Variants in PPHLN1 observed in about 807,000 individuals in gnomAD.
The protein encoded by PPHLN1 is periphilin-1.
PPHLN1 carries 29 observed loss-of-function variants against 51.3 expected under a neutral mutation model. The ratio of observed to expected loss-of-function variants is 0.57; its 90% CI spans 0.42 to 0.77. The LOEUF is 0.77. Among genes scored for constraint, PPHLN1 ranks in the 30% least tolerant of loss-of-function variants. PPHLN1 has a pLI of 0.00. For synonymous variants in PPHLN1, 147 were observed against 147.8 expected (o/e 0.99, Z 0.04); for missense variants, 436 against 438.4 (o/e 0.99, Z 0.05).
chr12:42,335,706 T>TTTA (rs1455993587), intron 1 of PPHLN1, among the ~76,000 whole-genome samples, 177 bp from the exon 2 acceptor site: 6 of 150,036 alleles, frequency 4.0e-5, no homozygotes, highest in Non-Finnish European at 5.9e-5. Context: ...TTTTTTTTTT[T>TTTA]AAAGAAAATC....
chr12:42,400,759 CTCTCTCTCTCTCTCTT>C (rs2078749169), intron 9 of PPHLN1, among the ~76,000 whole-genome samples: 1 of 147,544 alleles, frequency 6.8e-6, no homozygotes, highest in South Asian at 2.1e-4. Flanking sequence ...GAGACCCTGT[CTCTCTCTCTCTCTCTT>C]TCTCTCTCTC....
At chr12:42,417,520 A>G (rs2080501929) in intron 9 of PPHLN1, among the ~76,000 whole-genome samples, 1 of 152,144 alleles carries the variant, frequency 6.6e-6, no homozygotes, top group Non-Finnish European at 1.5e-5. Context: ...AGTCAACAAG[A>G]GAGACTAAGG....
chr12:42,404,619 G>A (rs2079130178), intron 9 of PPHLN1, among the ~76,000 whole-genome samples: 1 of 152,078 alleles, frequency 6.6e-6, no homozygotes, highest in Non-Finnish European at 1.5e-5. Context: ...TCAGTGTCAA[G>A]GTTTCGACTA....
At chr12:42,378,181 T>G (rs908932517) in intron 5 of PPHLN1, among the ~76,000 whole-genome samples, 1 of 151,810 alleles carries the variant, frequency 6.6e-6, no homozygotes, top group Non-Finnish European at 1.5e-5. Context: ...AGTAAAGTTC[T>G]TTGATCAAGA....
At chr12:42,387,356 A>G in intron 6 of PPHLN1, 100 bp from the exon 7 acceptor site, 3 of 1,292,218 alleles carry the variant, frequency 2.3e-6, no homozygotes, top group Non-Finnish European at 3.2e-6. Context: ...TTTTAGTACT[A>G]AAATAAGTGT....
At chr12:42,327,522 T>A (rs2068988545) in intron 1 of PPHLN1, among the ~76,000 whole-genome samples, 1 of 152,234 alleles carries the variant, frequency 6.6e-6, no homozygotes, top group South Asian at 2.1e-4. Flanking sequence ...TTTCCTCCTA[T>A]CTTTTTCTGG....
chr12:42,401,483 C>T lies in PPHLN1; in HGVS notation c.909+2489C>T, dbSNP rs947680996. On this transcript the variant is annotated intron_variant, in intron 9 of 9. Coordinates refer to ENST00000358314, the MANE Select transcript of PPHLN1 (RefSeq NM_201439.2). ...GGTCTGTGGCCTGTTAGGAACTGGG[C>T]GTCACAGCAGGAGGTGAGTGGCCAT... 6.6e-5 allele frequency among the ~76,000 whole-genome samples: 9 copies of T among 137,224 alleles called. No individual in the cohort carries two copies. The South Asian group carries it at 9.7e-4, about 15-fold the overall frequency. 90.0% of individuals were successfully genotyped at this position (137,224 alleles called of 152,430 possible). A position where few individuals can be genotyped will look rare whatever the true frequency, so the allele number is the denominator to read the frequency against.
chr12:42,430,055 A>G (rs1417411939), intron 9 of PPHLN1, among the ~76,000 whole-genome samples: 1 of 152,122 alleles, frequency 6.6e-6, no homozygotes, highest in Non-Finnish European at 1.5e-5. Flanking sequence ...GAGCTCCTGG[A>G]TAGCCTCTGT....
rs183518562 is a variant in PPHLN1 at position 42,398,916 on chromosome 12, T to C, written c.831T>C (p.His277=). The C allele has an allele frequency of 1.2e-6, 2 of 1,614,024 alleles. No homozygotes were observed. Among genetic ancestry groups the C allele is most frequent in the Admixed American group, 1.7e-5 (1 of 60,016 alleles). Residue 277 remains histidine (H), a synonymous_variant, in exon 9 of 10, where the codon CAT becomes CAC. Coordinates refer to ENST00000358314, the MANE Select transcript of PPHLN1 (RefSeq NM_201439.2). The part of the protein sequence containing the change: ...QPEEPESNTT[H]GIELFEDSQL... Reference sequence around the variant, plus strand: ...AGGAACCTGAGTCAAACACAACACATGGGATAGAATTATTTGAAGATAGTC... The same window carrying C: ...AGGAACCTGAGTCAAACACAACACACGGGATAGAATTATTTGAAGATAGTC...
At chr12:42,446,697 G>A, downstream of PPHLN1, 2 of 1,536,042 alleles carry the variant, frequency 1.3e-6, no homozygotes, top group South Asian at 1.2e-5. Context: ...AACAGAAAAG[G>A]GGTGATGTAG....
intron 2 of PPHLN1, among the ~76,000 whole-genome samples, chr12:42,346,074 C>T (rs1204877923): frequency 6.6e-6 from 1 of 152,100 alleles, no homozygotes; most frequent in Non-Finnish European, 1.5e-5. Flanking sequence ...CACATAGTTA[C>T]CTTTTTGTGT....
At chr12:42,429,043 C>G (rs1198479895) in intron 9 of PPHLN1, among the ~76,000 whole-genome samples, 1 of 151,974 alleles carries the variant, frequency 6.6e-6, no homozygotes, top group Non-Finnish European at 1.5e-5. Context: ...TATCATATTG[C>G]ACAATATTTG....
In PPHLN1 at chr12:42,378,088, T is replaced by C. The variant is rs112220547; in HGVS notation, c.511+3014T>C. On this transcript the variant is annotated intron_variant, in intron 5 of 9. Coordinates refer to ENST00000358314, the MANE Select transcript of PPHLN1 (RefSeq NM_201439.2). ...CCTGCATCTAGCTATCTATCTATCT[T>C]TCTCTTTCTTTCTTTCTTTCTTTCT... Among the ~76,000 whole-genome samples the C allele has an allele frequency of 9.9e-3, 1,207 of 121,362 alleles. 6 individuals carry two copies. The highest frequency in any genetic ancestry group is 0.024 in the East Asian group (97 of 4,048). The allele number at this position is 121,362 out of a possible 152,430, so 79.6% of individuals were successfully genotyped here.
intron 4 of PPHLN1, among the ~76,000 whole-genome samples, chr12:42,364,751 T>C (rs921275512): frequency 1.3e-5 from 2 of 152,096 alleles, no homozygotes; most frequent in Non-Finnish European, 2.9e-5. Flanking sequence ...GGAAACCCCA[T>C]CTCTACTAAA....
chr12:42,425,634 G>T (rs2081391078), intron 9 of PPHLN1, among the ~76,000 whole-genome samples: 1 of 151,892 alleles, frequency 6.6e-6, no homozygotes, highest in South Asian at 2.1e-4. Flanking sequence ...TGATCCACCT[G>T]CCTCGGCCTC....
intron 7 of PPHLN1, among the ~76,000 whole-genome samples, chr12:42,391,383 C>A (rs1796387): frequency 0.28 from 42,543 of 151,822 alleles, 7,317 homozygotes; most frequent in Non-Finnish European, 0.38. Context: ...GGATTACAGG[C>A]GCCTGCCACC....
chr12:42,400,798 T>TTCTCACACACA (rs1555209232), intron 9 of PPHLN1, among the ~76,000 whole-genome samples: 1 of 142,522 alleles, frequency 7.0e-6, no homozygotes, highest in African/African-American at 2.6e-5. Context: ...TCTCTCTCTT[T>TTCTCACACACA]CACACACACA....
intron 9 of PPHLN1, among the ~76,000 whole-genome samples, chr12:42,401,063 A>G (rs1479792936): frequency 6.6e-6 from 1 of 152,182 alleles, no homozygotes; most frequent in Non-Finnish European, 1.5e-5. Context: ...TGGATGTCAC[A>G]TGCCAGGTTT....
At chr12:42,426,872 C>T (rs1397601850) in intron 9 of PPHLN1, among the ~76,000 whole-genome samples, 3 of 152,070 alleles carry the variant, frequency 2.0e-5, no homozygotes, top group African/African-American at 7.2e-5. Flanking sequence ...ATTGAATTGT[C>T]TCTGACCTCT....
Sources: allele counts gnomAD v4.1 joint callset (sites outside exome capture counted in the v4.1 genomes callset), GRCh38; gene constraint gnomAD v4.1.1; transcripts MANE v1.5; gene names NCBI Gene and HGNC (gene_info 2026-07-23, HGNC 2026-07-21).